KLRF1: variants seen among roughly 807,000 people sequenced by gnomAD.
The protein encoded by KLRF1 is killer cell lectin-like receptor subfamily F member 1.
In KLRF1, 27 loss-of-function variants were observed where a neutral mutation model predicts 30.7. That is an observed-to-expected ratio of 0.88 (90% CI 0.65 to 1.21). KLRF1 has a LOEUF of 1.21. Ranked by LOEUF, KLRF1 falls within the 50% of genes most tolerant of loss-of-function variation. The pLI, the probability that KLRF1 is intolerant of heterozygous loss-of-function variation, is 0.00. For missense variants in KLRF1, 246 were observed against 259.3 expected (o/e 0.95, Z 0.35); for synonymous variants, 92 against 89.3 (o/e 1.03, Z -0.17).
At chr12:9,834,896 G>A (rs1285420234) in intron 3 of KLRF1, among the ~76,000 whole-genome samples, 1 of 151,996 alleles carries the variant, frequency 6.6e-6, no homozygotes, top group Non-Finnish European at 1.5e-5. Flanking sequence ...AGGCCTCGGT[G>A]GTTTTGGAGG....
chr12:9,843,931 A>G (rs1867757572), intron 5 of KLRF1, among the ~76,000 whole-genome samples: 1 of 152,166 alleles, frequency 6.6e-6, no homozygotes, highest in African/African-American at 2.4e-5. Flanking sequence ...AATATGTTAC[A>G]TTATAAGTAA....
the KLRF1 span, among the ~76,000 whole-genome samples, chr12:9,803,989 A>C: frequency 6.6e-6 from 1 of 151,912 alleles, no homozygotes; most frequent in African/African-American, 2.4e-5. Context: ...GCTGGGATTT[A>C]ACATTTTGAG....
chr12:9,816,946 G>A, the KLRF1 span, among the ~76,000 whole-genome samples: 1 of 151,582 alleles, frequency 6.6e-6, no homozygotes, highest in East Asian at 1.9e-4. Context: ...TGTTAGCCAG[G>A]GTGGTCTCGA....
the KLRF1 span, among the ~76,000 whole-genome samples, chr12:9,801,053 T>G: frequency 6.6e-6 from 1 of 151,894 alleles, no homozygotes; most frequent in Non-Finnish European, 1.5e-5. Flanking sequence ...TGTGTCCATG[T>G]GTTCTCATTG....
At chr12:9,841,980 A>C in intron 4 of KLRF1, 29 bp downstream of exon 4, 2 of 1,575,448 alleles carry the variant, frequency 1.3e-6, no homozygotes, top group African/African-American at 1.4e-5. Context: ...GGGTTATGGC[A>C]TCTTTGCAGT....
At chr12:9,833,896 T>G (rs1467336259) in intron 3 of KLRF1, among the ~76,000 whole-genome samples, 1 of 149,168 alleles carries the variant, frequency 6.7e-6, no homozygotes, top group Non-Finnish European at 1.5e-5. Flanking sequence ...TTTTTAAATG[T>G]TTAACTTTTT....
At chr12:9,817,068 G>A in the KLRF1 span, among the ~76,000 whole-genome samples, 1 of 152,092 alleles carries the variant, frequency 6.6e-6, no homozygotes, top group South Asian at 2.1e-4. Flanking sequence ...TCCTACGTGT[G>A]AAAACTATTG....
upstream of KLRF1, among the ~76,000 whole-genome samples, chr12:9,823,370 C>T (rs1444131389): frequency 6.6e-6 from 1 of 152,012 alleles, no homozygotes; most frequent in African/African-American, 2.4e-5. Flanking sequence ...AATTAAACAA[C>T]ATGCTCCTGA....
At chr12:9,833,602 T>C in intron 3 of KLRF1, 150 bp downstream of exon 3, 1 of 561,038 alleles carries the variant, frequency 1.8e-6, no homozygotes, top group Admixed American at 4.2e-5. Flanking sequence ...TTAGGTATCT[T>C]TAAACTTGTT....
upstream of KLRF1, among the ~76,000 whole-genome samples, chr12:9,824,782 T>C (rs749492283): frequency 7.9e-5 from 12 of 151,988 alleles, no homozygotes; most frequent in Non-Finnish European, 1.5e-4. Context: ...GGATACAAAA[T>C]CAACATACAA....
chr12:9,833,524 AG>A, intron 3 of KLRF1, 72 bp downstream of exon 3: 1 of 1,334,332 alleles, frequency 7.5e-7, no homozygotes, highest in Non-Finnish European at 1.0e-6. Flanking sequence ...ATTTTTGAAC[AG>A]GTATGCAATA....
rs1347033003 is a variant in KLRF1, at chr12:9,844,684, TA to T, written c.*160del. The T allele has an allele frequency of 3.0e-5, 15 of 499,032 alleles. No individual in the cohort carries two copies. The highest frequency in any genetic ancestry group is 2.9e-4 in the African/African-American group (15 of 51,384). The allele number at this position is 499,032 out of a possible 1,614,324, so 30.9% of individuals were successfully genotyped here. A position where few individuals can be genotyped will look rare whatever the true frequency, so the allele number is the denominator to read the frequency against. On this transcript the variant is annotated 3_prime_UTR_variant, in exon 6 of 6. Coordinates refer to ENST00000617889, the MANE Select transcript of KLRF1 (RefSeq NM_016523.3). Reference sequence around the variant, plus strand: ...CATCGACACTGGTCTAGCCTCAGAGTAACCCCTGTTAACAAACTAAAATGTA... The same window carrying T: ...CATCGACACTGGTCTAGCCTCAGAGTACCCCTGTTAACAAACTAAAATGTA...
At chr12:9,844,296 G>A (rs1168027703) in intron 5 of KLRF1, 122 bp from the exon 6 acceptor site, 2 of 587,200 alleles carry the variant, frequency 3.4e-6, no homozygotes, top group East Asian at 3.1e-5. Context: ...GTGAATCCAA[G>A]TATGTAAAAA....
At chr12:9,808,749 A>G in the KLRF1 span, among the ~76,000 whole-genome samples, 1 of 152,186 alleles carries the variant, frequency 6.6e-6, no homozygotes, top group Admixed American at 6.5e-5. Flanking sequence ...TATGTGTAAT[A>G]TGAGTAAGCA....
the KLRF1 span, among the ~76,000 whole-genome samples, chr12:9,810,576 T>C: frequency 1.3e-5 from 2 of 152,350 alleles, no homozygotes; most frequent in East Asian, 3.9e-4. Flanking sequence ...AAATATTGAA[T>C]GACTAGTAGG....
At chr12:9,826,899 T>A (rs1026233993), upstream of KLRF1, among the ~76,000 whole-genome samples, 2 of 152,008 alleles carry the variant, frequency 1.3e-5, no homozygotes, top group Non-Finnish European at 2.9e-5. Context: ...AGGGGCAGGA[T>A]CAGAAAAACA....
chr12:9,833,397 A>T lies in KLRF1; in HGVS notation c.279A>T (p.Thr93=), dbSNP rs1409683820. ...DTGDLKVNNG[T]RRNISNKDLC... ...GAGATCTAAAAGTGAATAATGGCAC[A>T]AGAAGAAATATAAGTAATAAGGACC... The change falls in exon 3 of 6, where the codon ACA becomes ACT. Residue 93 remains threonine, a synonymous_variant. Coordinates refer to ENST00000617889, the MANE Select transcript of KLRF1 (RefSeq NM_016523.3). 2 of 1,612,430 alleles carry T rather than the reference A, an allele frequency of 1.2e-6. No individual in the cohort carries two copies. The highest frequency in any genetic ancestry group is 1.7e-6 in the Non-Finnish European group (2 of 1,179,164).
chr12:9,819,606 A>G, the KLRF1 span, among the ~76,000 whole-genome samples: 2 of 151,970 alleles, frequency 1.3e-5, no homozygotes, highest in African/African-American at 2.4e-5. Flanking sequence ...GAGGTCCACA[A>G]CCACCTCCAC....
chr12:9,844,122 T>G (rs1347609949), intron 5 of KLRF1, among the ~76,000 whole-genome samples: 1 of 151,776 alleles, frequency 6.6e-6, no homozygotes, highest in Non-Finnish European at 1.5e-5. Context: ...CCACATGGAG[T>G]TAATCTTATT....
Sources: allele counts gnomAD v4.1 joint callset (sites outside exome capture counted in the v4.1 genomes callset), GRCh38; gene constraint gnomAD v4.1.1; transcripts MANE v1.5; gene names NCBI Gene and HGNC (gene_info 2026-07-23, HGNC 2026-07-21).